IDNK: variants seen among roughly 807,000 people sequenced by gnomAD.
IDNK encodes IDNK gluconokinase.
Under a neutral mutation model 13.0 loss-of-function variants are expected in IDNK, and 9 were observed. That is an observed-to-expected ratio of 0.69 (90% CI 0.42 to 1.21). The LOEUF is 1.21. Among genes scored for constraint, IDNK ranks in the 50% most tolerant of loss-of-function variants. IDNK has a pLI of 0.00. For missense variants in IDNK, 210 were observed against 237.8 expected, an observed-to-expected ratio of 0.88 and a Z score of 0.77; for synonymous variants, 92 against 94.9, an observed-to-expected ratio of 0.97 and a Z score of 0.18.
At chr9:83,632,050 A>T (rs1033774835) in intron 3 of IDNK, among the ~76,000 whole-genome samples, 1 of 152,144 alleles carries the variant, frequency 6.6e-6, no homozygotes, top group Admixed American at 6.5e-5. Context: ...GTACTAAAAA[A>T]TTTTTTCACA....
At chr9:83,641,435 T>G in intron 3 of IDNK, 113 bp from the exon 4 acceptor site, 2 of 1,199,176 alleles carry the variant, frequency 1.7e-6, no homozygotes, top group Non-Finnish European at 2.5e-6. Context: ...CTCACACCAC[T>G]GAGCTCTCGC....
intron 3 of IDNK, among the ~76,000 whole-genome samples, chr9:83,635,053 T>C (rs573628722): frequency 2.6e-5 from 4 of 152,168 alleles, no homozygotes; most frequent in Non-Finnish European, 5.9e-5. Flanking sequence ...AAATAAAGCC[T>C]TAAAAGTCCC....
intron 1 of IDNK, 35 bp from the exon 2 acceptor site, chr9:83,628,146 G>A: frequency 6.4e-7 from 1 of 1,550,404 alleles, no homozygotes; most frequent in Non-Finnish European, 8.7e-7. Flanking sequence ...ACATTGGGCA[G>A]GGCAGTAACG....
At chr9:83,637,491 G>T (rs1831195940) in intron 3 of IDNK, among the ~76,000 whole-genome samples, 2 of 152,190 alleles carry the variant, frequency 1.3e-5, no homozygotes, top group Non-Finnish European at 2.9e-5. Context: ...AATGGCCTGA[G>T]CCCAGGGGAG....
chr9:83,629,085 G>C (rs1203835767), intron 3 of IDNK, 126 bp downstream of exon 3: 1 of 748,298 alleles, frequency 1.3e-6, no homozygotes, highest in South Asian at 1.5e-5. Context: ...CAAAGAGCCA[G>C]GTGCCCAGTA....
intron 3 of IDNK, among the ~76,000 whole-genome samples, chr9:83,641,304 G>A (rs1831301011): frequency 6.6e-6 from 1 of 152,098 alleles, no homozygotes; most frequent in Non-Finnish European, 1.5e-5. Context: ...GATTAATATG[G>A]GGAGATACAT....
rs371061280 is a variant in IDNK, at chr9:83,641,548, G to A, written c.169G>A (p.Asp57Asn). 8.7e-6 allele frequency: 14 copies of A among 1,613,972 alleles called. No individual in the cohort carries two copies. The South Asian group carries it at 1.2e-4, about 14-fold the overall frequency. The change falls in exon 4 of 5, where the codon GAC becomes AAC. Residue 57 changes from aspartate to asparagine, a missense_variant and splice_region_variant. Asp to Asn is a conservative substitution (Grantham distance 23). Transcript: ENST00000376419. ...GGGTTTTTGTTTTTGTTTTTTTCAG[G>A]ACCGGATTCCATGGCTCTGTAACTT... ...MGKGIPLNDQ[D>N]RIPWLCNLHD... is the part of the protein sequence containing the mutation.
At chr9:83,642,156 TCCCC>T (rs35899069) in intron 4 of IDNK, among the ~76,000 whole-genome samples, 1 of 150,968 alleles carries the variant, frequency 6.6e-6, no homozygotes, top group Non-Finnish European at 1.5e-5. Context: ...GCGAACAGGG[TCCCC>T]CCCCAACAGC....
At chr9:83,639,642 G>A (rs1276116616) in intron 3 of IDNK, among the ~76,000 whole-genome samples, 1 of 152,172 alleles carries the variant, frequency 6.6e-6, no homozygotes, top group Non-Finnish European at 1.5e-5. Flanking sequence ...GACAAAACTG[G>A]ATAATTTCAG....
chr9:83,637,301 G>A (rs945147848), intron 3 of IDNK, among the ~76,000 whole-genome samples: 6 of 152,208 alleles, frequency 3.9e-5, no homozygotes, highest in African/African-American at 1.4e-4. Context: ...TTAGCACGCA[G>A]TGCTTTAAAA....
intron 3 of IDNK, among the ~76,000 whole-genome samples, chr9:83,639,354 A>G (rs1831241798): frequency 6.6e-6 from 1 of 152,252 alleles, no homozygotes; most frequent in Non-Finnish European, 1.5e-5. Context: ...GGAAATAACA[A>G]GAATGAAAAG....
At chr9:83,628,842 C>T (rs745693959) in intron 2 of IDNK, 31 bp from the exon 3 acceptor site, 7 of 1,510,844 alleles carry the variant, frequency 4.6e-6, no homozygotes, top group Non-Finnish European at 6.4e-6. Flanking sequence ...CATCTGCCTG[C>T]CACATACACC....
chr9:83,626,889 A>G lies in IDNK; in HGVS notation c.51-1292A>G, dbSNP rs942531293. 6.6e-6 allele frequency: 7 copies of G among 1,067,916 alleles called. No individual in the cohort carries two copies. The Admixed American group carries it at 2.2e-4, about 34-fold the overall frequency. The allele number at this position is 1,067,916 out of a possible 1,614,324, so 66.2% of individuals were successfully genotyped here. A position where few individuals can be genotyped will look rare whatever the true frequency, so the allele number is the denominator to read the frequency against. On this transcript the variant is annotated intron_variant, in intron 1 of 4. Coordinates refer to ENST00000376419, the MANE Select transcript of IDNK (RefSeq NM_001001551.4). ...CTCGCAACCTTTGGTTACATCCAGG[A>G]GCAGATCTCAGTTTGGTACAACTGT...
intron 3 of IDNK, among the ~76,000 whole-genome samples, chr9:83,639,784 A>C (rs367720636): frequency 2.6e-5 from 4 of 152,252 alleles, no homozygotes; most frequent in African/African-American, 9.6e-5. Context: ...TAAGCAGCAG[A>C]AGGTCCAGAG....
At chr9:83,627,745 G>A (rs1830894808) in intron 1 of IDNK, among the ~76,000 whole-genome samples, 1 of 150,910 alleles carries the variant, frequency 6.6e-6, no homozygotes, top group African/African-American at 2.4e-5. Context: ...GCTTTTATGA[G>A]TGTCCTGAAC....
At chr9:83,641,710 A>G in intron 4 of IDNK, 119 bp downstream of exon 4, 1 of 1,037,128 alleles carries the variant, frequency 9.6e-7, no homozygotes, top group Non-Finnish European at 1.5e-6. Context: ...AAAGGATTCT[A>G]GAAACTGGCT....
chr9:83,627,279 T>C (rs1041801773), intron 1 of IDNK, among the ~76,000 whole-genome samples: 49 of 152,208 alleles, frequency 3.2e-4, no homozygotes, highest in African/African-American at 1.1e-3. Context: ...GAAAGCACTT[T>C]ATGGGTCATT....
chr9:83,636,613 A>G (rs1217810215), intron 3 of IDNK, among the ~76,000 whole-genome samples: 1 of 152,198 alleles, frequency 6.6e-6, no homozygotes, highest in East Asian at 1.9e-4. Flanking sequence ...GAGCACATAA[A>G]GTCTCCTCAT....
chr9:83,641,523 G>C (rs1384692237), intron 3 of IDNK, 25 bp from the exon 4 acceptor site: 4 of 1,613,362 alleles, frequency 2.5e-6, no homozygotes, highest in South Asian at 2.2e-5. Context: ...CGTTGTGTCT[G>C]GGTTTTTGTT....
Sources: allele counts gnomAD v4.1 joint callset (sites outside exome capture counted in the v4.1 genomes callset), GRCh38; gene constraint gnomAD v4.1.1; transcripts MANE v1.5; gene names NCBI Gene and HGNC (gene_info 2026-07-23, HGNC 2026-07-21).